KIF24: variants seen among roughly 807,000 people sequenced by gnomAD.
KIF24 encodes kinesin family member 24, also known as kinesin-like protein KIF24.
A neutral mutation model predicts 118.9 loss-of-function variants in KIF24; 81 were observed. That is an observed-to-expected ratio of 0.68 (90% CI 0.57 to 0.82). The LOEUF (loss-of-function observed/expected upper bound fraction) is 0.82, where lower values mean the gene tolerates loss of function less well. KIF24 is among the 40% of genes least tolerant of loss of function. The pLI, the probability that KIF24 is intolerant of heterozygous loss-of-function variation, is 0.00. For missense variants in KIF24, 1,560 were observed against 1,661.6 expected, an observed-to-expected ratio of 0.94 and a Z score of 1.06; for synonymous variants, 599 against 610.0, an observed-to-expected ratio of 0.98 and a Z score of 0.27.
At chr9:34,331,558 C>T (rs1469898525), upstream of KIF24, among the ~76,000 whole-genome samples, 2 of 152,160 alleles carry the variant, frequency 1.3e-5, no homozygotes, top group African/African-American at 4.8e-5. Context: ...GGTTGGACAG[C>T]TTGACTTACC....
intron 8 of KIF24, among the ~76,000 whole-genome samples, chr9:34,266,494 T>C (rs1302293764): frequency 6.6e-6 from 1 of 151,956 alleles, no homozygotes; most frequent in Non-Finnish European, 1.5e-5. Flanking sequence ...ATGGCCAACA[T>C]GGTGAAACCG....
chr9:34,302,714 C>G (rs1240477947), intron 3 of KIF24, among the ~76,000 whole-genome samples: 1 of 151,720 alleles, frequency 6.6e-6, no homozygotes, highest in Admixed American at 6.6e-5. Flanking sequence ...TGATCTGCCC[C>G]CCTCATCCTC....
At chr9:34,332,346 T>C (rs1307783716), upstream of KIF24, among the ~76,000 whole-genome samples, 1 of 152,234 alleles carries the variant, frequency 6.6e-6, no homozygotes, top group Non-Finnish European at 1.5e-5. Context: ...CTAAAGATGC[T>C]TCTTTGCTGC....
intron 6 of KIF24, chr9:34,282,583 C>G (rs927733686): frequency 6.6e-6 from 1 of 152,118 alleles, no homozygotes; most frequent in African/African-American, 2.4e-5. Flanking sequence ...ACAGAGCAAG[C>G]TCCTACTCCA....
chr9:34,268,169 AT>A (rs1165519480), intron 8 of KIF24, among the ~76,000 whole-genome samples: 3 of 151,768 alleles, frequency 2.0e-5, no homozygotes, highest in Non-Finnish European at 1.5e-5. Flanking sequence ...ATTTAAAAAA[AT>A]TTTTTTTTGA....
At chr9:34,272,334 C>T (rs1481052880) in intron 6 of KIF24, among the ~76,000 whole-genome samples, 1 of 152,202 alleles carries the variant, frequency 6.6e-6, no homozygotes, top group Admixed American at 6.5e-5. Context: ...TAATCACATC[C>T]ACCTGTTCTA....
At chr9:34,264,815 G>A (rs1203769053) in intron 8 of KIF24, among the ~76,000 whole-genome samples, 1 of 151,972 alleles carries the variant, frequency 6.6e-6, no homozygotes, top group Admixed American at 6.6e-5. Context: ...ATGAAGTCTG[G>A]AAAGAATGTA....
At chr9:34,273,347 G>A (rs1253416449) in intron 6 of KIF24, among the ~76,000 whole-genome samples, 2 of 143,662 alleles carry the variant, frequency 1.4e-5, no homozygotes, top group Non-Finnish European at 3.0e-5. Context: ...GAAAGATAAT[G>A]AAGGGATGGT....
intron 6 of KIF24, among the ~76,000 whole-genome samples, chr9:34,272,732 C>T (rs527651187): frequency 1.3e-5 from 2 of 152,298 alleles, no homozygotes; most frequent in Non-Finnish European, 1.5e-5. Flanking sequence ...GAGAGGTACT[C>T]CCGGCTCAGC....
intron 6 of KIF24, among the ~76,000 whole-genome samples, chr9:34,286,335 AAACAAC>A (rs765066878): frequency 4.5e-4 from 68 of 152,166 alleles, no homozygotes; most frequent in African/African-American, 1.6e-3. Context: ...CTCCATCTCA[AAACAAC>A]AACAACAACA....
At chr9:34,320,154 AAG>A (rs1837466169) in intron 1 of KIF24, among the ~76,000 whole-genome samples, 1 of 152,120 alleles carries the variant, frequency 6.6e-6, no homozygotes. Context: ...CAGATCGAGA[AAG>A]AGCTCACAGG....
rs937466798 is a variant in KIF24, at chr9:34,253,740, G to A, written c.*640C>T. On this transcript the variant is annotated 3_prime_UTR_variant, in exon 13 of 13. Coordinates refer to ENST00000402558, the MANE Select transcript of KIF24 (RefSeq NM_194313.4). ...CACTGGATTGCAGGAAGGGAAGGGA[G>A]CTGTAAATATAAGGCCTGTCTCACA... 2.6e-5 allele frequency: 4 copies of A among 152,212 alleles called. No homozygotes were observed. The allele number at this position is 152,212 out of a possible 1,614,324, so 9.4% of individuals were successfully genotyped here.
intron 3 of KIF24, among the ~76,000 whole-genome samples, chr9:34,303,088 T>C (rs77677723): frequency 6.6e-6 from 1 of 151,984 alleles, no homozygotes; most frequent in East Asian, 1.9e-4. Context: ...TTTTTTTTTT[T>C]AATTTTTACA....
At chr9:34,309,104 TA>T (rs1837041731) in intron 2 of KIF24, among the ~76,000 whole-genome samples, 1 of 71,444 alleles carries the variant, frequency 1.4e-5, no homozygotes, top group African/African-American at 3.2e-5. Context: ...AACAAACAAA[TA>T]AACAAAAGAG....
At chr9:34,314,941 G>A (rs973911211) in intron 1 of KIF24, among the ~76,000 whole-genome samples, 25 of 152,162 alleles carry the variant, frequency 1.6e-4, no homozygotes, top group Admixed American at 1.6e-3. Flanking sequence ...AGAGATAAAT[G>A]ATCTATAATA....
chr9:34,321,494 G>A (rs970204879), intron 1 of KIF24, among the ~76,000 whole-genome samples: 1 of 148,778 alleles, frequency 6.7e-6, no homozygotes, highest in Non-Finnish European at 1.5e-5. Flanking sequence ...GCATTTGCAG[G>A]AGACAGGTTC....
intron 1 of KIF24, among the ~76,000 whole-genome samples, chr9:34,327,563 G>A (rs1054349567): frequency 1.8e-4 from 27 of 152,006 alleles, no homozygotes; most frequent in Non-Finnish European, 3.5e-4. Flanking sequence ...TGCTTTGTAC[G>A]GGGTGAACAC....
At chr9:34,312,447 T>G (rs1284427505) in intron 1 of KIF24, among the ~76,000 whole-genome samples, 1 of 152,258 alleles carries the variant, frequency 6.6e-6, no homozygotes, top group East Asian at 1.9e-4. Context: ...CAGTACATTT[T>G]CTTTTTTAAA....
At chr9:34,294,412 C>T (rs532936817) in intron 4 of KIF24, among the ~76,000 whole-genome samples, 365 of 151,994 alleles carry the variant, frequency 2.4e-3, no homozygotes, top group South Asian at 4.4e-3. Context: ...AAAAATTAGC[C>T]GGGTGTGGGA....
Sources: allele counts gnomAD v4.1 joint callset (sites outside exome capture counted in the v4.1 genomes callset), GRCh38; gene constraint gnomAD v4.1.1; transcripts MANE v1.5; gene names NCBI Gene and HGNC (gene_info 2026-07-23, HGNC 2026-07-21).